Variants in PTPRR observed in about 807,000 individuals in gnomAD.
The protein encoded by PTPRR is protein tyrosine phosphatase receptor type R, also known as receptor-type tyrosine-protein phosphatase R.
A neutral mutation model predicts 77.2 loss-of-function variants in PTPRR; 38 were observed. The ratio of observed to expected loss-of-function variants is 0.49; its 90% CI spans 0.38 to 0.65. The LOEUF (loss-of-function observed/expected upper bound fraction) is 0.65. Among genes scored for constraint, PTPRR ranks in the 30% least tolerant of loss-of-function variants. PTPRR has a pLI of 0.00. For missense variants in PTPRR, 744 were observed against 799.2 expected, an observed-to-expected ratio of 0.93 and a Z score of 0.83; for synonymous variants, 299 against 283.1, an observed-to-expected ratio of 1.06 and a Z score of -0.57.
At chr12:70,679,651 CTTTTTTGTGA>C (rs1566063089) in intron 10 of PTPRR, among the ~76,000 whole-genome samples, 1 of 151,584 alleles carries the variant, frequency 6.6e-6, no homozygotes, top group African/African-American at 2.4e-5. Flanking sequence ...CTTCTTTGTG[CTTTTTTGTGA>C]TTTTTGATTT....
At chr12:70,722,372 T>A (rs1242479977) in intron 6 of PTPRR, among the ~76,000 whole-genome samples, 1 of 152,218 alleles carries the variant, frequency 6.6e-6, no homozygotes, top group East Asian at 1.9e-4. Context: ...TTTCTCATGA[T>A]CTCTCCTGTC....
At chr12:70,656,411 CT>C (rs1164408346) in intron 13 of PTPRR, among the ~76,000 whole-genome samples, 1 of 152,018 alleles carries the variant, frequency 6.6e-6, no homozygotes, top group Non-Finnish European at 1.5e-5. Context: ...ACCTGTAGTC[CT>C]AGCTACGTGC....
intron 2 of PTPRR, among the ~76,000 whole-genome samples, chr12:70,794,915 A>G (rs1891485044): frequency 1.3e-5 from 2 of 150,414 alleles, no homozygotes. Context: ...TGTCATGCAA[A>G]ACTAAAAGAA....
At chr12:70,838,855 T>A (rs1190078829) in intron 2 of PTPRR, among the ~76,000 whole-genome samples, 1 of 152,156 alleles carries the variant, frequency 6.6e-6, no homozygotes, top group Non-Finnish European at 1.5e-5. Context: ...TTGTTCTAGC[T>A]CTGTGGACCC....
In PTPRR at chr12:70,656,725, A is replaced by T. The variant is rs1886595232; in HGVS notation, c.1859T>A (p.Val620Asp). The T allele has an allele frequency of 1.9e-6, 3 of 1,613,686 alleles. No individual in the cohort carries two copies. ...TCACCTATCCATACGAAGCTGGCAG[A>T]CAATGCTTAGTGCATCCACAACTCC... ...EEGVVDALSI[V>D]CQLRMDRGGM... Residue 620 changes from valine (V) to aspartate (D), a missense_variant, in exon 13 of 14, where the codon GTC becomes GAC. Val to Asp is a radical substitution (Grantham distance 152). This residue lies in a region of PTPRR where 170 missense variants were observed against 209.8 expected (regional missense o/e 0.81). Coordinates refer to ENST00000283228, the MANE Select transcript of PTPRR (RefSeq NM_002849.4).
At chr12:70,714,041 C>A (rs1452513794) in intron 6 of PTPRR, among the ~76,000 whole-genome samples, 1 of 151,864 alleles carries the variant, frequency 6.6e-6, no homozygotes, top group African/African-American at 2.4e-5. Context: ...GGAGACACAG[C>A]ATAGATTAAA....
intron 5 of PTPRR, 96 bp downstream of exon 5, chr12:70,754,095 C>T (rs1890490788): frequency 6.0e-6 from 7 of 1,165,330 alleles, no homozygotes; most frequent in South Asian, 1.5e-5. Context: ...TCCTTCTGCT[C>T]GGAAGCATTT....
intron 13 of PTPRR, among the ~76,000 whole-genome samples, chr12:70,653,723 A>G (rs1441103837): frequency 1.3e-5 from 2 of 152,192 alleles, no homozygotes; most frequent in Non-Finnish European, 2.9e-5. Flanking sequence ...TAGGAAATAT[A>G]TACTACTATT....
At chr12:70,915,203 T>C (rs1416206009) in intron 1 of PTPRR, among the ~76,000 whole-genome samples, 1 of 152,194 alleles carries the variant, frequency 6.6e-6, no homozygotes, top group East Asian at 1.9e-4. Context: ...ATAAGTACTA[T>C]AGAAATGCAT....
In PTPRR at chr12:70,770,627, C is replaced by T. The variant is rs1322068371; in HGVS notation, c.358-5849G>A. Among the ~76,000 whole-genome samples the T allele has an allele frequency of 7.2e-5, 11 of 152,268 alleles. No homozygotes were observed. In the East Asian group the frequency reaches 2.1e-3, roughly 29 times the overall value. On this transcript the variant is annotated intron_variant, in intron 2 of 13. Coordinates refer to ENST00000283228, the MANE Select transcript of PTPRR (RefSeq NM_002849.4). ...CCTCAGGGATCTAGAACTAGAAATA[C>T]CATTTGACCCAGCCATCCCATTACT...
At chr12:70,820,491 G>A (rs565920421) in intron 2 of PTPRR, among the ~76,000 whole-genome samples, 50 of 152,252 alleles carry the variant, frequency 3.3e-4, no homozygotes, top group African/African-American at 1.2e-3. Context: ...CCGCCACCAC[G>A]CCTGGCTAAT....
intron 2 of PTPRR, among the ~76,000 whole-genome samples, chr12:70,785,627 A>G (rs1376733988): frequency 6.6e-6 from 1 of 152,152 alleles, no homozygotes; most frequent in Admixed American, 6.5e-5. Context: ...ATAATACTCT[A>G]TATACTTTTT....
At chr12:70,727,331 A>C (rs1204902005) in intron 6 of PTPRR, among the ~76,000 whole-genome samples, 3 of 152,110 alleles carry the variant, frequency 2.0e-5, no homozygotes, top group African/African-American at 7.2e-5. Context: ...CTGGGAAACT[A>C]TAGTAGTTTC....
intron 2 of PTPRR, among the ~76,000 whole-genome samples, chr12:70,843,293 G>A (rs1892427806): frequency 6.6e-6 from 1 of 152,170 alleles, no homozygotes; most frequent in Non-Finnish European, 1.5e-5. Context: ...TCCCAGAAAT[G>A]TCGATTGCAA....
intron 4 of PTPRR, 53 bp downstream of exon 4, chr12:70,761,418 T>C (rs762171028): frequency 3.3e-4 from 472 of 1,444,286 alleles, no homozygotes; most frequent in Non-Finnish European, 4.1e-4. Flanking sequence ...TGAATTACCA[T>C]AGCATGCTAA....
intron 2 of PTPRR, among the ~76,000 whole-genome samples, chr12:70,880,177 C>T (rs780979747): frequency 2.0e-5 from 3 of 152,116 alleles, no homozygotes; most frequent in Non-Finnish European, 4.4e-5. Context: ...TAGTATGTGT[C>T]AAGAGTGATG....
intron 6 of PTPRR, among the ~76,000 whole-genome samples, chr12:70,715,974 A>T (rs1889012785): frequency 6.6e-6 from 1 of 152,184 alleles, no homozygotes; most frequent in Non-Finnish European, 1.5e-5. Context: ...TGAAATCTTT[A>T]CAATTTATGT....
chr12:70,919,641 A>G (rs1224714799), intron 1 of PTPRR, among the ~76,000 whole-genome samples: 1 of 147,994 alleles, frequency 6.8e-6, no homozygotes, highest in East Asian at 2.0e-4. Flanking sequence ...GACAGTGCCT[A>G]ACCCAGGGTT....
At chr12:70,844,537 A>G (rs1177658733) in intron 2 of PTPRR, among the ~76,000 whole-genome samples, 1 of 152,182 alleles carries the variant, frequency 6.6e-6, no homozygotes, top group Non-Finnish European at 1.5e-5. Flanking sequence ...GCCGAGTAGA[A>G]TAGTGGTTAC....
Sources: allele counts gnomAD v4.1 joint callset (sites outside exome capture counted in the v4.1 genomes callset), GRCh38; gene constraint gnomAD v4.1.1; regional missense constraint gnomAD v4.1.1; transcripts MANE v1.5; gene names NCBI Gene and HGNC (gene_info 2026-07-23, HGNC 2026-07-21).